Variants in DRAXIN observed in about 807,000 individuals in gnomAD.
DRAXIN encodes dorsal inhibitory axon guidance protein.
DRAXIN carries 27 observed loss-of-function variants against 33.9 expected under a neutral mutation model. The observed-to-expected ratio is 0.80, with a 90% CI of 0.59 to 1.10. DRAXIN has a LOEUF of 1.10. Ranked by LOEUF, DRAXIN falls within the 50% of genes least tolerant of loss-of-function variation. The pLI is 0.00. For missense variants in DRAXIN, 371 were observed against 460.8 expected (o/e 0.81, Z 1.78); for synonymous variants, 178 against 194.0 (o/e 0.92, Z 0.69).
intron 1 of DRAXIN, among the ~76,000 whole-genome samples, chr1:11,693,027 A>G (rs1448603617): frequency 1.3e-5 from 2 of 151,950 alleles, no homozygotes; most frequent in African/African-American, 4.8e-5. Flanking sequence ...CTCAAAGTCA[A>G]GGCTTAGAGA....
rs12077097 is a variant in DRAXIN at position 11,704,739 on chromosome 1, A to G, written c.-10-1510A>G. The stretch of plus-strand genomic sequence containing the variant: ...AGGCTCACCTAGTATCTTCAGCCAG[A>G]TCCCCGGGATAGGGGACAAGATGGA... On this transcript the variant is annotated intron_variant, in intron 1 of 6. Coordinates refer to ENST00000294485, the MANE Select transcript of DRAXIN (RefSeq NM_198545.4). This position sits in a 1 kb window ranked among gnomAD's most constrained non-coding sequence, Gnocchi z 4.6. Among the ~76,000 whole-genome samples, 945 of 152,278 alleles carry G rather than the reference A, an allele frequency of 6.2e-3. 12 individuals carry two copies. Among genetic ancestry groups the G allele is most frequent in the African/African-American group, 0.021 (885 of 41,558 alleles).
rs555962616 is a variant in DRAXIN, at chr1:11,710,819, C to T, written c.643-1032C>T. On this transcript the variant is annotated intron_variant, in intron 3 of 6. Transcript: ENST00000294485. Reference sequence around the variant, plus strand: ...GCACATGTAGTTCCAGCTACTTGGGCGGCTGAAGCAGAGAATTGCTTGAAC... The same window carrying T: ...GCACATGTAGTTCCAGCTACTTGGGTGGCTGAAGCAGAGAATTGCTTGAAC... 1.7e-3 allele frequency among the ~76,000 whole-genome samples: 235 copies of T among 141,514 alleles called. 2 individuals are homozygous for T. Among genetic ancestry groups the T allele is most frequent in the Non-Finnish European group, 2.8e-3 (188 of 66,682 alleles). The allele number at this position is 141,514 out of a possible 152,430, so 92.8% of individuals were successfully genotyped here.
chr1:11,712,229 T>C, intron 4 of DRAXIN, 111 bp from the exon 5 acceptor site: 1 of 1,291,018 alleles, frequency 7.7e-7, no homozygotes, highest in East Asian at 2.3e-5. Context: ...CAGTGCCTTG[T>C]CCAAGCCATG....
chr1:11,712,166 G>A (rs12093081), intron 4 of DRAXIN, among the ~76,000 whole-genome samples, 174 bp from the exon 5 acceptor site: 6 of 152,192 alleles, frequency 3.9e-5, no homozygotes, highest in South Asian at 2.1e-4. Context: ...CGTGCCACAC[G>A]CTTCCATGTT....
At chr1:11,703,663 G>T (rs1337690752) in intron 1 of DRAXIN, among the ~76,000 whole-genome samples, 1 of 152,176 alleles carries the variant, frequency 6.6e-6, no homozygotes, top group Non-Finnish European at 1.5e-5. Flanking sequence ...GGGACAGGAT[G>T]GAGCCCCCTT....
rs1390949043 is a variant in DRAXIN at position 11,694,966 on chromosome 1, A to G, written c.-11+3113A>G. On this transcript the variant is annotated intron_variant, in intron 1 of 6. Transcript: ENST00000294485. The surrounding 1 kb of genome is among the most constrained non-coding windows in gnomAD (Gnocchi z 4.9). ...TTATGAGGGATGAGGCTCCTGCTAGAACCCAGAGCAACTGGAAGGAGCTCA... is the reference window on the plus strand; with the variant it reads ...TTATGAGGGATGAGGCTCCTGCTAGGACCCAGAGCAACTGGAAGGAGCTCA... 1.3e-5 allele frequency among the ~76,000 whole-genome samples: 2 copies of G among 152,182 alleles called. No homozygotes were observed. Among genetic ancestry groups the G allele is most frequent in the Non-Finnish European group, 1.5e-5 (1 of 68,026 alleles).
chr1:11,707,097 A>ATCC (rs1641396658), intron 2 of DRAXIN, among the ~76,000 whole-genome samples: 1 of 152,178 alleles, frequency 6.6e-6, no homozygotes, highest in Admixed American at 6.5e-5. Context: ...GCTACTTGGA[A>ATCC]GGCTGAGGCA....
rs1401617129 is a variant in DRAXIN, at chr1:11,711,904, G to C, written c.696G>C (p.Leu232Phe). Residue 232 changes from leucine (L) to phenylalanine (F), a missense_variant, in exon 4 of 7, where the codon TTG (leucine) becomes TTC (phenylalanine). Physicochemically the swap from Leu to Phe is conservative, Grantham distance 22 (BLOSUM62 0). Transcript: ENST00000294485. ...GEVMPTLDMALFDWTDYEDLK... is the reference protein window; with the variant it reads ...GEVMPTLDMAFFDWTDYEDLK... ...TGATGCCCACGCTGGACATGGCCTT[G>C]TTCGACTGGACCGATTATGAAGACT... is the stretch of plus-strand genomic sequence containing the variant. The C allele has an allele frequency of 1.2e-6, 2 of 1,614,020 alleles. No individual in the cohort carries two copies.
rs534848412 is a variant in DRAXIN, at chr1:11,706,852, G to C, written c.451+143G>C. 1.8e-5 allele frequency: 17 copies of C among 928,968 alleles called. No individual in the cohort carries two copies. The highest frequency in any genetic ancestry group is 2.5e-5 in the Non-Finnish European group (16 of 646,456). 57.5% of individuals were successfully genotyped at this position (928,968 alleles called of 1,614,324 possible). A position where few individuals can be genotyped will look rare whatever the true frequency, so the allele number is the denominator to read the frequency against. On this transcript the variant is annotated intron_variant, in intron 2 of 6. Transcript: ENST00000294485. This position sits in a 1 kb window ranked among gnomAD's most constrained non-coding sequence, Gnocchi z 5.5. The stretch of plus-strand genomic sequence containing the variant: ...CACTGAAGCCAGAGGGACCTGGTAA[G>C]GGGAGGAGGCTGGGAGAGGCCTGGG...
chr1:11,713,707 G>C lies in DRAXIN; in HGVS notation c.847+1278G>C, dbSNP rs576594027. Among the ~76,000 whole-genome samples, 4 of 152,192 alleles carry C rather than the reference G, an allele frequency of 2.6e-5. No individual in the cohort carries two copies. In the East Asian group the frequency reaches 7.7e-4, roughly 29 times the overall value. The stretch of plus-strand genomic sequence containing the variant: ...AGTTCAGGACCAGCCTGGGCAACAC[G>C]GGAAGACTCCATCTCCAAAAATAGT... On this transcript the variant is annotated intron_variant, in intron 5 of 6. Transcript: ENST00000294485.
rs540990670 is a variant in DRAXIN at position 11,694,557 on chromosome 1, G to T, written c.-11+2704G>T. 3.7e-4 allele frequency among the ~76,000 whole-genome samples: 56 copies of T among 152,280 alleles called. 1 individual carries two copies. Among genetic ancestry groups the T allele is most frequent in the Non-Finnish European group, 7.4e-4 (50 of 68,022 alleles). ...TTAGCAGCTGTGGGACCCAGAGGGA[G>T]TTCCTTCACGTGTGTCGGCCAGGAA... is the stretch of plus-strand genomic sequence containing the variant. On this transcript the variant is annotated intron_variant, in intron 1 of 6. Transcript: ENST00000294485. The surrounding 1 kb of genome is among the most constrained non-coding windows in gnomAD (Gnocchi z 4.9).
chr1:11,695,566 C>CA (rs200522086), intron 1 of DRAXIN, among the ~76,000 whole-genome samples: 10,602 of 150,804 alleles, frequency 0.07, 436 homozygotes, highest in South Asian at 0.097. Flanking sequence ...TGCACCACTG[C>CA]ACTCCAGCCT....
At chr1:11,707,884 G>A (rs115024530) in intron 2 of DRAXIN, among the ~76,000 whole-genome samples, 5 of 152,208 alleles carry the variant, frequency 3.3e-5, no homozygotes, top group Admixed American at 6.5e-5. Context: ...AGGGAACTTG[G>A]CTTCTAAGCT....
chr1:11,695,137 G>T (rs1315999398), intron 1 of DRAXIN, among the ~76,000 whole-genome samples: 1 of 152,208 alleles, frequency 6.6e-6, no homozygotes. Flanking sequence ...ATGTGATGGA[G>T]CAGGGATGAT....
At chr1:11,690,525 G>A (rs1375963575), upstream of DRAXIN, among the ~76,000 whole-genome samples, 1 of 152,210 alleles carries the variant, frequency 6.6e-6, no homozygotes, top group Non-Finnish European at 1.5e-5. This position sits in a 1 kb window ranked among gnomAD's most constrained non-coding sequence, Gnocchi z 4.2. Flanking sequence ...GGTCATAGGG[G>A]ACGGCATCAG....
At chr1:11,710,316 A>T (rs1641464073) in intron 3 of DRAXIN, among the ~76,000 whole-genome samples, 1 of 151,906 alleles carries the variant, frequency 6.6e-6, no homozygotes, top group Middle Eastern at 3.4e-3. Context: ...ACATAGTGAG[A>T]CCCTGTGTCT....
In DRAXIN at chr1:11,709,343, G is replaced by A. The variant is rs756500451; in HGVS notation, c.520G>A (p.Asp174Asn). ...KAELSEAQVLDAAMEESSTSL... is the reference protein window; with the variant it reads ...KAELSEAQVLNAAMEESSTSL... Reference sequence around the variant, plus strand: ...AGAGCTCTCCGAAGCCCAGGTGCTGGATGCAGCCATGGAGGAATCCTCCAC... The same window carrying A: ...AGAGCTCTCCGAAGCCCAGGTGCTGAATGCAGCCATGGAGGAATCCTCCAC... The change falls in exon 3 of 7, where the codon GAT becomes AAT. Residue 174 changes from aspartate to asparagine, a missense_variant. Physicochemically the swap from Asp to Asn is conservative, Grantham distance 23 (BLOSUM62 1). Coordinates refer to ENST00000294485, the MANE Select transcript of DRAXIN (RefSeq NM_198545.4). 1.2e-6 allele frequency: 2 copies of A among 1,614,026 alleles called. No individual in the cohort carries two copies. The highest frequency in any genetic ancestry group is 2.2e-5 in the South Asian group (2 of 91,032).
intron 1 of DRAXIN, among the ~76,000 whole-genome samples, chr1:11,700,021 G>A (rs190506808): frequency 6.6e-5 from 10 of 151,682 alleles, no homozygotes; most frequent in South Asian, 2.1e-4. Context: ...GGTGGATCAC[G>A]AGGTCAGGAG....
chr1:11,725,442 T>G lies in DRAXIN; in HGVS notation c.*5746T>G, dbSNP rs1388638353. On this transcript the variant is annotated 3_prime_UTR_variant, in exon 7 of 7. Transcript: ENST00000294485. ...TTTTCACAAGTTCTCCAGGTCATTC[T>G]TGGGCACGATCAAATTTGAGAATCA... is the stretch of plus-strand genomic sequence containing the variant. 6.6e-6 allele frequency: 1 copy of G among 152,262 alleles called. No individual in the cohort carries two copies. Among genetic ancestry groups the G allele is most frequent in the African/African-American group, 2.4e-5 (1 of 41,466 alleles). 9.4% of individuals were successfully genotyped at this position (152,262 alleles called of 1,614,324 possible).
Sources: allele counts gnomAD v4.1 joint callset (sites outside exome capture counted in the v4.1 genomes callset), GRCh38; gene constraint gnomAD v4.1.1; non-coding constraint Gnocchi (gnomAD v3.1); transcripts MANE v1.5; gene names NCBI Gene and HGNC (gene_info 2026-07-23, HGNC 2026-07-21).